The following ELK3 variants were observed in gnomAD, a reference collection of about 807,000 sequenced individuals.
ELK3 encodes ETS domain-containing protein Elk-3.
In ELK3, 10 loss-of-function variants were observed where a neutral mutation model predicts 28.9. That is an observed-to-expected ratio of 0.35 (90% CI 0.21 to 0.59). The LOEUF is 0.59. Among genes scored for constraint, ELK3 ranks in the 20% least tolerant of loss-of-function variants. The pLI is 0.82. For synonymous variants in ELK3, 272 were observed against 243.5 expected, an observed-to-expected ratio of 1.12 and a Z score of -1.09; for missense variants, 463 against 517.3, an observed-to-expected ratio of 0.90 and a Z score of 1.02.
At chr12:96,260,901 G>GCAATCATAATA (rs1951988271) in intron 4 of ELK3, among the ~76,000 whole-genome samples, 1 of 152,142 alleles carries the variant, frequency 6.6e-6, no homozygotes, top group African/African-American at 2.4e-5. Context: ...TGTTGATCTG[G>GCAATCATAATA]CAATCTTTCT....
chr12:96,235,988 G>A (rs1951780212), intron 2 of ELK3, among the ~76,000 whole-genome samples: 1 of 152,002 alleles, frequency 6.6e-6, no homozygotes, highest in South Asian at 2.1e-4. Context: ...ACCATACCCG[G>A]CTAATTTTTG....
chr12:96,221,399 C>T (rs550684699), intron 1 of ELK3, among the ~76,000 whole-genome samples: 5 of 152,330 alleles, frequency 3.3e-5, no homozygotes, highest in South Asian at 2.1e-4. Context: ...TGGGGGGTGG[C>T]GGTGGCCGAC....
chr12:96,194,812 G>T (rs1210000818), intron 1 of ELK3, 107 bp downstream of exon 1: 1 of 132,692 alleles, frequency 7.5e-6, no homozygotes, highest in African/African-American at 2.7e-5. Flanking sequence ...GGGGCGGGGG[G>T]CGCCGCGGGG....
chr12:96,257,228 A>G (rs1401057907), intron 3 of ELK3, among the ~76,000 whole-genome samples: 1 of 152,222 alleles, frequency 6.6e-6, no homozygotes, highest in Admixed American at 6.5e-5. Flanking sequence ...AGCAGGTGTT[A>G]TAGGAACTTT....
chr12:96,258,294 A>T (rs191922476), intron 3 of ELK3, among the ~76,000 whole-genome samples: 3 of 152,348 alleles, frequency 2.0e-5, no homozygotes, highest in Admixed American at 6.5e-5. Flanking sequence ...TATTCTAGTA[A>T]CCTCATAGGT....
intron 4 of ELK3, among the ~76,000 whole-genome samples, chr12:96,262,943 G>A (rs1179140691): frequency 2.0e-5 from 3 of 151,716 alleles, no homozygotes; most frequent in Admixed American, 6.6e-5. Context: ...ATACCACCAC[G>A]CTGGCCAACA....
intron 1 of ELK3, among the ~76,000 whole-genome samples, chr12:96,212,436 TC>T (rs1951584498): frequency 6.6e-6 from 1 of 152,208 alleles, no homozygotes; most frequent in African/African-American, 2.4e-5. Context: ...AGGGACTGCC[TC>T]AGGTTGTAGG....
intron 2 of ELK3, among the ~76,000 whole-genome samples, chr12:96,246,457 C>G (rs1480345646): frequency 6.6e-6 from 1 of 152,148 alleles, no homozygotes; most frequent in East Asian, 1.9e-4. Context: ...GAGTTTGAGA[C>G]CAGCCTGAGC....
rs371199581 is a variant in ELK3 at position 96,267,138 on chromosome 12, T to C, written c.1182T>C (p.Ala394=). 2 of 1,613,530 alleles carry C rather than the reference T, an allele frequency of 1.2e-6. No homozygotes were observed. The highest frequency in any genetic ancestry group is 1.7e-6 in the Non-Finnish European group (2 of 1,179,808). The part of the protein sequence containing the change: ...MPVPIPSLDR[A]ASPVLLSSNS... The stretch of plus-strand genomic sequence containing the variant: ...TGCCAATCCCCAGTCTGGACAGAGC[T>C]GCTTCTCCAGTACTGCTTTCTTCAA... Residue 394 remains alanine, a synonymous_variant, in exon 5 of 5, where the codon GCT becomes GCC. Transcript: ENST00000228741.
At position 96,268,184 on chromosome 12, in the gene ELK3, A is replaced by G. The variant is rs1239257063; in HGVS notation, c.*1004A>G. 2 of 152,238 alleles carry G rather than the reference A, an allele frequency of 1.3e-5. No homozygotes were observed. Among genetic ancestry groups the G allele is most frequent in the Non-Finnish European group, 2.9e-5 (2 of 68,042 alleles). 9.4% of individuals were successfully genotyped at this position (152,238 alleles called of 1,614,324 possible). The stretch of plus-strand genomic sequence containing the variant: ...GAGTGGTGATGAACCCAAACAACAA[A>G]GAAACCATTTTTAACACTAGGTATC... On this transcript the variant is annotated 3_prime_UTR_variant, in exon 5 of 5. Coordinates refer to ENST00000228741, the MANE Select transcript of ELK3 (RefSeq NM_005230.4).
chr12:96,210,561 G>GCGCACACACACACACACACACACA (rs1555193024), intron 1 of ELK3, among the ~76,000 whole-genome samples: 5 of 144,844 alleles, frequency 3.5e-5, no homozygotes, highest in African/African-American at 1.0e-4. Flanking sequence ...GCGCGCGGGC[G>GCGCACACACACACACACACACACA]CACGCACACA....
chr12:96,223,559 C>A lies in ELK3; in HGVS notation c.-2-6C>A. On this transcript the variant is annotated splice_region_variant and splice_polypyrimidine_tract_variant and intron_variant, in intron 1 of 4. Transcript: ENST00000228741. Reference sequence around the variant, plus strand: ...GCAGCTCTGACCTGGCCTCCTCTCCCTGCAGGTATGGAGAGTGCAATCACG... The same window carrying A: ...GCAGCTCTGACCTGGCCTCCTCTCCATGCAGGTATGGAGAGTGCAATCACG... 6.2e-7 allele frequency: 1 copy of A among 1,613,636 alleles called. No homozygotes were observed. Among genetic ancestry groups the A allele is most frequent in the Non-Finnish European group, 8.5e-7 (1 of 1,179,626 alleles).
chr12:96,267,685 G>T lies in ELK3; in HGVS notation c.*505G>T, dbSNP rs1262108174. The stretch of plus-strand genomic sequence containing the variant: ...AGTAGAATTTCATTATTTTTCACCA[G>T]TGGGCAATATGAAAGCATATATCAC... On this transcript the variant is annotated 3_prime_UTR_variant, in exon 5 of 5. Transcript: ENST00000228741. 1 of 152,666 alleles carries T rather than the reference G, an allele frequency of 6.6e-6. No individual in the cohort carries two copies. Among genetic ancestry groups the T allele is most frequent in the African/African-American group, 2.4e-5 (1 of 41,434 alleles). The allele number at this position is 152,666 out of a possible 1,614,324, so 9.5% of individuals were successfully genotyped here. A position where few individuals can be genotyped will look rare whatever the true frequency, so the allele number is the denominator to read the frequency against.
At chr12:96,259,877 T>C (rs1951980590) in intron 4 of ELK3, 24 bp downstream of exon 4, 2 of 1,577,462 alleles carry the variant, frequency 1.3e-6, no homozygotes, top group Non-Finnish European at 1.7e-6. Context: ...AATGAACTTT[T>C]GAACATTAAG....
chr12:96,264,563 A>G (rs940644149), intron 4 of ELK3, among the ~76,000 whole-genome samples: 5 of 152,106 alleles, frequency 3.3e-5, no homozygotes, highest in Non-Finnish European at 7.4e-5. Flanking sequence ...TGGGTGGATC[A>G]CTTGAGCCCA....
chr12:96,195,477 G>A (rs777426309), intron 1 of ELK3, among the ~76,000 whole-genome samples: 4 of 152,176 alleles, frequency 2.6e-5, no homozygotes, highest in Non-Finnish European at 5.9e-5. Flanking sequence ...GGCCTGTGAC[G>A]CTACTGTAAC....
intron 2 of ELK3, among the ~76,000 whole-genome samples, chr12:96,235,346 G>A (rs1177275677): frequency 6.6e-6 from 1 of 151,876 alleles, no homozygotes; most frequent in Non-Finnish European, 1.5e-5. Context: ...CTGTTCCATG[G>A]CCCCTCCCAG....
intron 1 of ELK3, among the ~76,000 whole-genome samples, chr12:96,207,135 G>A (rs911717411): frequency 6.6e-6 from 1 of 152,172 alleles, no homozygotes; most frequent in Non-Finnish European, 1.5e-5. Context: ...GTCGGGTTTG[G>A]TTTAAACAGA....
intron 1 of ELK3, among the ~76,000 whole-genome samples, chr12:96,202,034 TTCC>T: frequency 6.6e-6 from 1 of 152,100 alleles, no homozygotes; most frequent in East Asian, 1.9e-4. Flanking sequence ...CCTGGTGAAA[TTCC>T]TCCTCCTTCC....
Sources: gnomAD v4.1 joint callset for allele counts (sites outside exome capture counted in the v4.1 genomes callset) on GRCh38, gnomAD v4.1.1 for gene constraint, MANE v1.5 for transcripts, NCBI Gene and HGNC (gene_info 2026-07-23, HGNC 2026-07-21) for gene names.